ADAMTS9: variants seen among roughly 807,000 people sequenced by gnomAD.
The protein encoded by ADAMTS9 is A disintegrin and metalloproteinase with thrombospondin motifs 9.
A neutral mutation model predicts 257.1 loss-of-function variants in ADAMTS9; 107 were observed. That is an observed-to-expected ratio of 0.42 (90% CI 0.36 to 0.49). The LOEUF (loss-of-function observed/expected upper bound fraction) is 0.49. Among genes scored for constraint, ADAMTS9 ranks in the 20% least tolerant of loss-of-function variants. ADAMTS9 has a pLI of 0.03. For missense variants in ADAMTS9, 2,353 were observed against 2,469.1 expected (o/e 0.95, Z 1.00); for synonymous variants, 982 against 880.9 (o/e 1.11, Z -2.03).
At chr3:64,602,294 T>C (rs1462959078) in intron 25 of ADAMTS9, 81 bp from the exon 26 acceptor site, 6 of 1,528,260 alleles carry the variant, frequency 3.9e-6, no homozygotes, top group South Asian at 3.7e-5. Context: ...TTTCTGTAAA[T>C]GGCCCACCAC....
At chr3:64,678,150 G>T (rs1217327163) in intron 3 of ADAMTS9, among the ~76,000 whole-genome samples, 1 of 152,302 alleles carries the variant, frequency 6.6e-6, no homozygotes, top group East Asian at 1.9e-4. Context: ...GCTAGGGAAG[G>T]TTCGGATGGG....
intron 38 of ADAMTS9, among the ~76,000 whole-genome samples, chr3:64,532,493 A>G (rs186905837): frequency 1.3e-4 from 20 of 152,266 alleles, no homozygotes; most frequent in Non-Finnish European, 2.5e-4. Flanking sequence ...AACCGTCGTA[A>G]GTCAGGGACC....
At chr3:64,552,454 T>C (rs1168214041) in intron 30 of ADAMTS9, among the ~76,000 whole-genome samples, 1 of 152,178 alleles carries the variant, frequency 6.6e-6, no homozygotes, top group Non-Finnish European at 1.5e-5. Flanking sequence ...GTGAAACCTG[T>C]ACCAAGGACT....
At position 64,631,551 on chromosome 3, in the gene ADAMTS9, C is replaced by A; in HGVS notation, c.2294-1G>T. 6.2e-7 allele frequency: 1 copy of A among 1,613,008 alleles called. No homozygotes were observed. Among genetic ancestry groups the A allele is most frequent in the Non-Finnish European group, 8.5e-7 (1 of 1,179,012 alleles). ...GGAATTCGGACCACAGTATTGTAACCTGAAAAGAATTTAGCAGAAATTCAG... is the reference window on the plus strand; with the variant it reads ...GGAATTCGGACCACAGTATTGTAACATGAAAAGAATTTAGCAGAAATTCAG... On this transcript the variant is annotated splice_acceptor_variant, in intron 15 of 39. Transcript: ENST00000498707. LOFTEE classifies it high-confidence loss of function.
chr3:64,662,332 G>C (rs1701243445), intron 3 of ADAMTS9, among the ~76,000 whole-genome samples: 1 of 152,026 alleles, frequency 6.6e-6, no homozygotes, highest in Non-Finnish European at 1.5e-5. Flanking sequence ...CTTGCATCTG[G>C]TGTGTGCTGG....
At chr3:64,531,671 T>C (rs906146010) in intron 38 of ADAMTS9, among the ~76,000 whole-genome samples, 2 of 152,180 alleles carry the variant, frequency 1.3e-5, no homozygotes, top group Non-Finnish European at 2.9e-5. Flanking sequence ...CTCACCACCT[T>C]GCCCAGGCTG....
In ADAMTS9 at chr3:64,530,679, T is replaced by C. The variant is rs923182702; in HGVS notation, c.5718+2487A>G. Among the ~76,000 whole-genome samples, 20 of 152,346 alleles carry C rather than the reference T, an allele frequency of 1.3e-4. No individual in the cohort carries two copies. In the South Asian group the frequency reaches 1.9e-3, roughly 14 times the overall value. ...CCTGGCTTTAATTATTTTTAGTTTC[T>C]GGCTGAAACGGTAGTAACTATCTAA... is the stretch of plus-strand genomic sequence containing the variant. On this transcript the variant is annotated intron_variant, in intron 38 of 39. Coordinates refer to ENST00000498707, the MANE Select transcript of ADAMTS9 (RefSeq NM_182920.2).
At chr3:64,596,680 A>G in intron 27 of ADAMTS9, 150 bp downstream of exon 27, 1 of 948,596 alleles carries the variant, frequency 1.1e-6, no homozygotes, top group Non-Finnish European at 1.5e-6. Context: ...AAAATAGTCC[A>G]GAATTTAAGA....
chr3:64,685,775 G>C (rs1241773676), intron 2 of ADAMTS9, among the ~76,000 whole-genome samples: 1 of 152,100 alleles, frequency 6.6e-6, no homozygotes. Flanking sequence ...CCTGGAACCC[G>C]TGAGTAGTAG....
chr3:64,557,964 A>G (rs1452326317), intron 30 of ADAMTS9, among the ~76,000 whole-genome samples: 3 of 152,216 alleles, frequency 2.0e-5, no homozygotes, highest in Admixed American at 2.0e-4. Context: ...AATGGGCTTC[A>G]CAATGAACAG....
At chr3:64,589,712 A>T (rs903831367) in intron 28 of ADAMTS9, 6 of 152,204 alleles carry the variant, frequency 3.9e-5, no homozygotes, top group Non-Finnish European at 8.8e-5. Context: ...CTATACTGCA[A>T]AAAGGAGGCT....
rs1701946551 is a variant in ADAMTS9 at position 64,687,428 on chromosome 3, T to C, written c.115+115A>G. The C allele has an allele frequency of 2.3e-6, 2 of 857,116 alleles. No homozygotes were observed. The highest frequency in any genetic ancestry group is 3.2e-5 in the Admixed American group (1 of 31,404). The allele number at this position is 857,116 out of a possible 1,614,324, so 53.1% of individuals were successfully genotyped here. A position where few individuals can be genotyped will look rare whatever the true frequency, so the allele number is the denominator to read the frequency against. ...AAGGGAGAGGCTGCAAAGCGGGAGATAATTCTTTCTAGGAAAAGGAGAGAA... is the reference window on the plus strand; with the variant it reads ...AAGGGAGAGGCTGCAAAGCGGGAGACAATTCTTTCTAGGAAAAGGAGAGAA... On this transcript the variant is annotated intron_variant, in intron 1 of 39. Coordinates refer to ENST00000498707, the MANE Select transcript of ADAMTS9 (RefSeq NM_182920.2). This position sits in a 1 kb window ranked among gnomAD's most constrained non-coding sequence, Gnocchi z 4.4.
intron 31 of ADAMTS9, among the ~76,000 whole-genome samples, chr3:64,548,107 C>T (rs997957614): frequency 2.6e-5 from 4 of 152,084 alleles, no homozygotes; most frequent in Non-Finnish European, 5.9e-5. Context: ...CAGCTTTCAT[C>T]AATTCTCAAG....
intron 23 of ADAMTS9, among the ~76,000 whole-genome samples, chr3:64,605,102 T>G (rs988712538): frequency 2.0e-5 from 3 of 152,208 alleles, no homozygotes; most frequent in Non-Finnish European, 4.4e-5. Flanking sequence ...AGAAAATCTA[T>G]GTGTGGAATG....
chr3:64,686,604 G>T lies in ADAMTS9; in HGVS notation c.480C>A (p.Ser160=), dbSNP rs760485222. ...CFYKGYVNTN[S]EHTAVISLCS... is the part of the protein sequence containing the mutation. ...AGAGGCTGATGACGGCCGTGTGCTC[G>T]GAGTTGGTATTGACATAGCCTTTGT... The change falls in exon 2 of 40, where the codon TCC becomes TCA. Residue 160 remains serine (S), a synonymous_variant. Coordinates refer to ENST00000498707, the MANE Select transcript of ADAMTS9 (RefSeq NM_182920.2). The surrounding 1 kb of genome is among the most constrained non-coding windows in gnomAD (Gnocchi z 4.6). 1.9e-6 allele frequency: 3 copies of T among 1,613,384 alleles called. No homozygotes were observed. The highest frequency in any genetic ancestry group is 3.3e-4 in the Middle Eastern group (2 of 6,008).
chr3:64,535,508 G>C (rs1424386014), intron 37 of ADAMTS9, among the ~76,000 whole-genome samples: 1 of 149,714 alleles, frequency 6.7e-6, no homozygotes, highest in East Asian at 2.0e-4. Context: ...ACCGGATTCT[G>C]TATGTTGCAT....
At chr3:64,674,465 C>T (rs1701576025) in intron 3 of ADAMTS9, among the ~76,000 whole-genome samples, 1 of 152,190 alleles carries the variant, frequency 6.6e-6, no homozygotes, top group South Asian at 2.1e-4. Context: ...TCAGCTTTCT[C>T]ATTTGTAGGA....
intron 28 of ADAMTS9, chr3:64,592,277 AG>A (rs1424145412): frequency 1.3e-5 from 2 of 152,226 alleles, no homozygotes; most frequent in Non-Finnish European, 2.9e-5. Flanking sequence ...GAAATCATAT[AG>A]GCAGCAAAAT....
intron 39 of ADAMTS9, among the ~76,000 whole-genome samples, chr3:64,518,307 C>T (rs2082805720): frequency 6.6e-6 from 1 of 152,118 alleles, no homozygotes; most frequent in Non-Finnish European, 1.5e-5. Flanking sequence ...CAGAAATAAT[C>T]CTAAATGTCA....
Sources: gnomAD v4.1 joint callset for allele counts (sites outside exome capture counted in the v4.1 genomes callset) on GRCh38, gnomAD v4.1.1 for gene constraint, Gnocchi (gnomAD v3.1) non-coding constraint, MANE v1.5 for transcripts, NCBI Gene and HGNC (gene_info 2026-07-23, HGNC 2026-07-21) for gene names.